The following MCCC2 variants were observed in gnomAD, a reference collection of about 807,000 sequenced individuals.
MCCC2 encodes methylcrotonoyl-CoA carboxylase beta chain, mitochondrial.
Under a neutral mutation model 77.2 loss-of-function variants are expected in MCCC2, and 52 were observed. The observed-to-expected ratio is 0.67, with a 90% CI of 0.54 to 0.85. The LOEUF (loss-of-function observed/expected upper bound fraction) is 0.85, where lower values mean the gene tolerates loss of function less well. Ranked by LOEUF, MCCC2 falls within the 40% of genes least tolerant of loss-of-function variation. MCCC2 has a pLI of 0.00. For missense variants in MCCC2, 682 were observed against 703.2 expected, an observed-to-expected ratio of 0.97 and a Z score of 0.34; for synonymous variants, 253 against 248.4, an observed-to-expected ratio of 1.02 and a Z score of -0.18.
At chr5:71,599,845 T>C in intron 4 of MCCC2, 85 bp downstream of exon 4, 18 of 1,057,038 alleles carry the variant, frequency 1.7e-5, no homozygotes, top group Non-Finnish European at 2.7e-5. Context: ...CTTTGCATAT[T>C]AGCATGCGAT....
intron 2 of MCCC2, among the ~76,000 whole-genome samples, chr5:71,593,387 G>C (rs1745057663): frequency 3.3e-5 from 5 of 152,086 alleles, no homozygotes. Context: ...ACTACTCCTG[G>C]CTGAGCTTTT....
In MCCC2 at chr5:71,626,667, G is replaced by T; in HGVS notation, c.652G>T (p.Ala218Ser). The T allele has an allele frequency of 3.7e-6, 6 of 1,614,040 alleles. No individual in the cohort carries two copies. Among genetic ancestry groups the T allele is most frequent in the Admixed American group, 1.7e-5 (1 of 60,002 alleles). The change falls in exon 7 of 17, where the codon GCA (alanine) becomes TCA (serine). Residue 218 changes from alanine to serine, a missense_variant. Coordinates refer to ENST00000340941, the MANE Select transcript of MCCC2 (RefSeq NM_022132.5). ...QIAVVMGSCT[A>S]GGAYVPAMAD... ...CGCAGTGGTCATGGGCTCCTGCACC[G>T]CAGGAGGAGCCTATGTGCCTGCCAT...
At chr5:71,603,064 A>G (rs983241963) in intron 5 of MCCC2, 1 of 172,064 alleles carries the variant, frequency 5.8e-6, no homozygotes. Flanking sequence ...AAGTAAACTT[A>G]TATTTGAAAT....
At chr5:71,649,375 G>A (rs1200690494) in intron 14 of MCCC2, 122 bp downstream of exon 14, 20 of 969,130 alleles carry the variant, frequency 2.1e-5, no homozygotes, top group Admixed American at 6.3e-5. Flanking sequence ...CAATTATACC[G>A]TAATTTGTAT....
intron 8 of MCCC2, among the ~76,000 whole-genome samples, chr5:71,633,091 T>TTATATATATA (rs137979624): frequency 9.4e-4 from 79 of 84,178 alleles, no homozygotes; most frequent in African/African-American, 3.3e-3. Context: ...TTTTTCAGTT[T>TTATATATATA]TATATATATA....
At chr5:71,592,671 G>T (rs1336915523) in intron 1 of MCCC2, among the ~76,000 whole-genome samples, 2 of 152,088 alleles carry the variant, frequency 1.3e-5, no homozygotes, top group Non-Finnish European at 2.9e-5. Context: ...CATGAATTAG[G>T]CTTACAGAGG....
chr5:71,588,420 G>C (rs999909446), intron 1 of MCCC2, among the ~76,000 whole-genome samples: 1 of 152,144 alleles, frequency 6.6e-6, no homozygotes, highest in Non-Finnish European at 1.5e-5. Flanking sequence ...GTGTTCCCAC[G>C]ATTTCTAAGC....
At chr5:71,594,398 CA>C (rs1350515133) in intron 2 of MCCC2, among the ~76,000 whole-genome samples, 1 of 152,016 alleles carries the variant, frequency 6.6e-6, no homozygotes, top group Non-Finnish European at 1.5e-5. Context: ...TGTGGTGGCG[CA>C]TGCTTGTAAT....
At chr5:71,644,304 T>C (rs1253847348) in intron 12 of MCCC2, among the ~76,000 whole-genome samples, 2 of 152,166 alleles carry the variant, frequency 1.3e-5, no homozygotes, top group Non-Finnish European at 2.9e-5. Flanking sequence ...CTCAGAGGTC[T>C]CATGGTTCAA....
At chr5:71,630,088 T>C (rs886708822) in intron 7 of MCCC2, among the ~76,000 whole-genome samples, 1 of 152,208 alleles carries the variant, frequency 6.6e-6, no homozygotes, top group South Asian at 2.1e-4. Flanking sequence ...TGAAGTTCTG[T>C]TGGAGAACTG....
At chr5:71,610,014 T>A (rs993156260) in intron 6 of MCCC2, among the ~76,000 whole-genome samples, 4 of 152,214 alleles carry the variant, frequency 2.6e-5, no homozygotes, top group African/African-American at 9.6e-5. Context: ...GTTACTGCTG[T>A]CTTTTTGTTT....
intron 6 of MCCC2, among the ~76,000 whole-genome samples, chr5:71,611,261 TG>T (rs1402504322): frequency 6.6e-6 from 1 of 151,588 alleles, no homozygotes; most frequent in Non-Finnish European, 1.5e-5. Context: ...ATTAGCCGAG[TG>T]TGGTGTGGCA....
intron 13 of MCCC2, among the ~76,000 whole-genome samples, chr5:71,648,382 G>C (rs1747331263): frequency 6.6e-6 from 1 of 152,232 alleles, no homozygotes; most frequent in Non-Finnish European, 1.5e-5. Context: ...AGCCTCCACA[G>C]AGCTAGGGGC....
At chr5:71,603,381 A>G (rs1580282050) in intron 5 of MCCC2, among the ~76,000 whole-genome samples, 1 of 129,634 alleles carries the variant, frequency 7.7e-6, no homozygotes, top group East Asian at 2.4e-4. Flanking sequence ...GTGCCACTGT[A>G]CTCCAGCCTG....
In MCCC2 at chr5:71,632,039, G is replaced by T. The variant is rs151042983; in HGVS notation, c.739-82G>T. On this transcript the variant is annotated intron_variant, in intron 7 of 16. Transcript: ENST00000340941. ...GGAAGAAAAAGTACAGGTATAGTCA[G>T]GTGAGGAGTTGTGCATGTTGGGGAA... The T allele has an allele frequency of 8.0e-5, 93 of 1,162,986 alleles. No homozygotes were observed. The African/African-American group carries it at 1.2e-3, about 14-fold the overall frequency. The allele number at this position is 1,162,986 out of a possible 1,614,324, so 72.0% of individuals were successfully genotyped here.
At chr5:71,626,531 C>G in intron 6 of MCCC2, 109 bp from the exon 7 acceptor site, 3 of 818,240 alleles carry the variant, frequency 3.7e-6, no homozygotes, top group South Asian at 2.9e-5. Context: ...CAGGGACCAA[C>G]CAGTAATATC....
Position 71,657,322 on chromosome 5 carries a change from A to G in MCCC2, c.*462A>G, listed in dbSNP as rs1747610270. 1 of 174,730 alleles carries G rather than the reference A, an allele frequency of 5.7e-6. No homozygotes were observed. Among genetic ancestry groups the G allele is most frequent in the African/African-American group, 2.4e-5 (1 of 41,680 alleles). 10.8% of individuals were successfully genotyped at this position (174,730 alleles called of 1,614,324 possible). A position where few individuals can be genotyped will look rare whatever the true frequency, so the allele number is the denominator to read the frequency against. ...GCCCTCACACTGCTGTGCAGCCATCACCACCATTCATCTCCAGAATTTGTT... is the reference window on the plus strand; with the variant it reads ...GCCCTCACACTGCTGTGCAGCCATCGCCACCATTCATCTCCAGAATTTGTT... On this transcript the variant is annotated 3_prime_UTR_variant, in exon 17 of 17. Coordinates refer to ENST00000340941, the MANE Select transcript of MCCC2 (RefSeq NM_022132.5).
At chr5:71,620,779 A>G (rs148228010) in intron 6 of MCCC2, among the ~76,000 whole-genome samples, 4,476 of 152,190 alleles carry the variant, frequency 0.029, 97 homozygotes, top group South Asian at 0.079. Context: ...GATGACAAGT[A>G]TTGTTACTGT....
intron 1 of MCCC2, among the ~76,000 whole-genome samples, chr5:71,589,294 A>C (rs778285411): frequency 1.3e-5 from 2 of 152,258 alleles, no homozygotes; most frequent in Non-Finnish European, 2.9e-5. Context: ...TTTGTGTAAC[A>C]AATAATCAAA....
Sources: allele counts gnomAD v4.1 joint callset (sites outside exome capture counted in the v4.1 genomes callset), GRCh38; gene constraint gnomAD v4.1.1; transcripts MANE v1.5; gene names NCBI Gene and HGNC (gene_info 2026-07-23, HGNC 2026-07-21).